The following USP54 variants were observed in gnomAD, a reference collection of about 807,000 sequenced individuals.
The protein encoded by USP54 is ubiquitin specific peptidase 54.
In USP54, 87 loss-of-function variants were observed where a neutral mutation model predicts 170.5. The observed-to-expected ratio is 0.51, with a 90% CI of 0.43 to 0.61. The LOEUF (loss-of-function observed/expected upper bound fraction) is 0.61, where lower values mean the gene tolerates loss of function less well. Ranked by LOEUF, USP54 falls within the 20% of genes least tolerant of loss-of-function variation. The probability of loss-of-function intolerance (pLI) is 0.00; values close to 1 mark genes in which losing one functional copy is unlikely to be tolerated. For missense variants in USP54, 1,786 were observed against 2,047.8 expected (o/e 0.87, Z 2.47); for synonymous variants, 655 against 742.8 (o/e 0.88, Z 1.92).
chr10:73,566,542 C>T (rs1228519780), intron 4 of USP54, among the ~76,000 whole-genome samples: 1 of 151,896 alleles, frequency 6.6e-6, no homozygotes, highest in Admixed American at 6.6e-5. Context: ...ACCAGCCTGG[C>T]CAACATGGTG....
chr10:73,500,128 C>T (rs1414881734), intron 23 of USP54, among the ~76,000 whole-genome samples: 1 of 152,132 alleles, frequency 6.6e-6, no homozygotes, highest in Non-Finnish European at 1.5e-5. Flanking sequence ...ACATCTCACT[C>T]GGAAGGTCAA....
At chr10:73,551,259 G>A (rs2069270627) in intron 4 of USP54, among the ~76,000 whole-genome samples, 1 of 152,174 alleles carries the variant, frequency 6.6e-6, no homozygotes, top group African/African-American at 2.4e-5. Flanking sequence ...GAGAGGCAGT[G>A]CCAGCAATAC....
At chr10:73,588,503 C>T (rs371247699) in intron 1 of USP54, among the ~76,000 whole-genome samples, 6 of 152,294 alleles carry the variant, frequency 3.9e-5, no homozygotes, top group African/African-American at 9.6e-5. Context: ...CGATTACAGG[C>T]GTGAGCCACC....
intron 1 of USP54, chr10:73,611,500 TA>T: frequency 6.6e-6 from 1 of 150,806 alleles, no homozygotes. Context: ...AATAAATAAA[TA>T]AAAAATAGGC....
At chr10:73,579,585 T>C (rs1488429385) in intron 1 of USP54, among the ~76,000 whole-genome samples, 2 of 151,840 alleles carry the variant, frequency 1.3e-5, no homozygotes, top group Non-Finnish European at 2.9e-5. Context: ...TGAAACCCCA[T>C]CTCTATTAAA....
chr10:73,617,818 G>C (rs1485298187), intron 1 of USP54, among the ~76,000 whole-genome samples: 1 of 150,092 alleles, frequency 6.7e-6, no homozygotes, highest in Non-Finnish European at 1.5e-5. Flanking sequence ...GCTGAGGTGA[G>C]AGGATTGTTT....
intron 5 of USP54, among the ~76,000 whole-genome samples, chr10:73,543,680 G>A (rs2067122210): frequency 6.6e-6 from 1 of 151,996 alleles, no homozygotes; most frequent in Non-Finnish European, 1.5e-5. Flanking sequence ...TTTGATAACT[G>A]TATCAGGAAA....
intron 4 of USP54, among the ~76,000 whole-genome samples, chr10:73,565,685 C>G (rs80099024): frequency 6.6e-6 from 1 of 152,072 alleles, no homozygotes; most frequent in Non-Finnish European, 1.5e-5. Context: ...TACCACCACA[C>G]TGGAAAAGAA....
chr10:73,553,015 A>C (rs2069942704), intron 4 of USP54, among the ~76,000 whole-genome samples: 1 of 152,092 alleles, frequency 6.6e-6, no homozygotes, highest in Admixed American at 6.6e-5. Flanking sequence ...AGGAAGAACT[A>C]CAGTTTTTTC....
intron 1 of USP54, among the ~76,000 whole-genome samples, chr10:73,596,824 G>A (rs1255357319): frequency 1.3e-5 from 2 of 151,716 alleles, no homozygotes; most frequent in African/African-American, 4.8e-5. Flanking sequence ...TAGTGATACT[G>A]GCAATTTAAC....
At chr10:73,607,452 T>C (rs1055723312) in intron 1 of USP54, among the ~76,000 whole-genome samples, 2 of 152,170 alleles carry the variant, frequency 1.3e-5, no homozygotes, top group Non-Finnish European at 1.5e-5. Flanking sequence ...TATACAAAGT[T>C]TGAAGTCTGC....
At chr10:73,509,499 C>T (rs989988363) in intron 20 of USP54, among the ~76,000 whole-genome samples, 1 of 150,922 alleles carries the variant, frequency 6.6e-6, no homozygotes, top group African/African-American at 2.4e-5. Flanking sequence ...CCTGTAATCC[C>T]AGCTACTCAG....
intron 1 of USP54, among the ~76,000 whole-genome samples, chr10:73,597,781 G>C (rs961723626): frequency 9.9e-5 from 15 of 152,144 alleles, no homozygotes; most frequent in Non-Finnish European, 1.9e-4. Context: ...TTATATAAGT[G>C]CTTAGTTAAG....
Position 73,534,657 on chromosome 10 carries a change from C to T in USP54, c.1258G>A (p.Gly420Arg). The change falls in exon 12 of 24, where the codon GGG becomes AGG. Residue 420 changes from glycine to arginine, a missense_variant. Transcript: ENST00000687698. ...TTTTCCACATTATAGATGACTGTCC[C>T]CTGAGAATCAGAAGAGAAGTGACTG... ...VVSHFSSDSQ[G>R]TVIYNVENDS... The T allele has an allele frequency of 1.9e-6, 3 of 1,614,140 alleles. No individual in the cohort carries two copies. Among genetic ancestry groups the T allele is most frequent in the Non-Finnish European group, 2.5e-6 (3 of 1,180,024 alleles).
intron 4 of USP54, among the ~76,000 whole-genome samples, chr10:73,565,966 C>G (rs1485629761): frequency 6.6e-6 from 1 of 152,204 alleles, no homozygotes; most frequent in Non-Finnish European, 1.5e-5. Context: ...CACAGTGGCT[C>G]ATGCCTGTAA....
intron 1 of USP54, among the ~76,000 whole-genome samples, chr10:73,606,878 C>CA (rs200071977): frequency 0.019 from 1,044 of 55,532 alleles, 8 homozygotes; most frequent in Middle Eastern, 0.052. Flanking sequence ...GACAATATCT[C>CA]AAAAAAAAAA....
intron 10 of USP54, 83 bp from the exon 11 acceptor site, chr10:73,536,520 A>G: frequency 7.3e-7 from 1 of 1,361,452 alleles, no homozygotes; most frequent in Non-Finnish European, 9.6e-7. Context: ...CTGTATTTCT[A>G]AAGAAAATAA....
chr10:73,616,624 A>G (rs193165152), intron 1 of USP54, among the ~76,000 whole-genome samples: 11 of 150,338 alleles, frequency 7.3e-5, no homozygotes, highest in Admixed American at 5.9e-4. Flanking sequence ...CACATCCTGC[A>G]TGTGTATCCA....
intron 1 of USP54, among the ~76,000 whole-genome samples, chr10:73,612,290 A>C (rs1386533400): frequency 6.6e-6 from 1 of 152,156 alleles, no homozygotes; most frequent in Non-Finnish European, 1.5e-5. Flanking sequence ...AACTGTAAAA[A>C]ACATTAAATG....
Sources: allele counts gnomAD v4.1 joint callset (sites outside exome capture counted in the v4.1 genomes callset), GRCh38; gene constraint gnomAD v4.1.1; transcripts MANE v1.5; gene names NCBI Gene and HGNC (gene_info 2026-07-23, HGNC 2026-07-21).